MTPAP: variants seen among roughly 807,000 people sequenced by gnomAD.
MTPAP encodes the protein mitochondrial poly(A) polymerase.
MTPAP carries 23 observed loss-of-function variants against 48.7 expected under a neutral mutation model. The observed-to-expected ratio is 0.47, with a 90% CI of 0.34 to 0.67. MTPAP has a LOEUF of 0.67. Ranked by LOEUF, MTPAP falls within the 30% of genes least tolerant of loss-of-function variation. MTPAP has a pLI of 0.01. For synonymous variants in MTPAP, 257 were observed against 254.1 expected (o/e 1.01, Z -0.11); for missense variants, 614 against 694.3 (o/e 0.88, Z 1.30).
At chr10:30,336,752 T>C in intron 4 of MTPAP, 51 bp downstream of exon 4, 4 of 1,408,628 alleles carry the variant, frequency 2.8e-6, no homozygotes, top group Non-Finnish European at 4.0e-6. Flanking sequence ...TTTTTCTTTT[T>C]ATACTTTCTT....
intron 1 of MTPAP, 169 bp downstream of exon 1, chr10:30,348,950 G>T: frequency 1.1e-6 from 1 of 927,524 alleles, no homozygotes; most frequent in Non-Finnish European, 1.6e-6. Flanking sequence ...CAGCAACGGC[G>T]GCGACCCTGG....
chr10:30,340,443 T>C lies in MTPAP; in HGVS notation c.338A>G (p.Tyr113Cys), dbSNP rs1834788946. The change falls in exon 3 of 9, where the codon TAT becomes TGT. Residue 113 changes from tyrosine (Y) to cysteine (C), a missense_variant. By Grantham distance (194) the Tyr-to-Cys change is radical. This residue lies in a region of MTPAP where 114 missense variants were observed against 107.9 expected (regional missense o/e 1.06). Transcript: ENST00000263063. Reference protein sequence around the residue: ...NHFFYESFGLYAVVEFCQKES... With the variant: ...NHFFYESFGLCAVVEFCQKES... The stretch of plus-strand genomic sequence containing the variant: ...CTTTTGGCAAAATTCTACGACAGCA[T>C]AGAGACCCTATACCAAAAACATAAG... 1.2e-6 allele frequency: 2 copies of C among 1,613,114 alleles called. No individual in the cohort carries two copies. Among genetic ancestry groups the C allele is most frequent in the Non-Finnish European group, 1.7e-6 (2 of 1,179,040 alleles).
At chr10:30,335,581 C>G (rs1007472315) in intron 4 of MTPAP, among the ~76,000 whole-genome samples, 5 of 152,050 alleles carry the variant, frequency 3.3e-5, no homozygotes, top group African/African-American at 4.8e-5. Context: ...GGAAGAGACA[C>G]TGGTTAATTT....
chr10:30,336,694 G>T, intron 4 of MTPAP, 109 bp downstream of exon 4: 1 of 910,340 alleles, frequency 1.1e-6, no homozygotes, highest in Non-Finnish European at 1.8e-6. Context: ...TAACCACAAT[G>T]TTTAATAAGT....
chr10:30,334,348 A>G (rs1834704974), intron 4 of MTPAP, among the ~76,000 whole-genome samples: 1 of 152,136 alleles, frequency 6.6e-6, no homozygotes, highest in South Asian at 2.1e-4. Context: ...GCCTTCTATT[A>G]CTGGAAATGG....
At chr10:30,322,313 G>A in intron 6 of MTPAP, 78 bp downstream of exon 6, 1 of 1,205,120 alleles carries the variant, frequency 8.3e-7, no homozygotes. Context: ...AAATAGACGG[G>A]ACTTTGGTAA....
chr10:30,336,568 A>G (rs925034415), intron 4 of MTPAP, among the ~76,000 whole-genome samples: 2 of 152,216 alleles, frequency 1.3e-5, no homozygotes, highest in African/African-American at 4.8e-5. Context: ...TGAACACTTG[A>G]AAACAATTAA....
intron 3 of MTPAP, chr10:30,339,838 G>C: frequency 9.1e-6 from 2 of 220,550 alleles, no homozygotes; most frequent in South Asian, 1.4e-4. Context: ...TTCTGTGAAT[G>C]CAAGAATGAC....
At chr10:30,327,499 A>T (rs993120677) in intron 4 of MTPAP, among the ~76,000 whole-genome samples, 1 of 138,898 alleles carries the variant, frequency 7.2e-6, no homozygotes, top group Non-Finnish European at 1.5e-5. Context: ...ACTCCATTTC[A>T]AAATAAATAA....
At chr10:30,339,549 T>C (rs2254706) in intron 3 of MTPAP, among the ~76,000 whole-genome samples, 37,269 of 150,316 alleles carry the variant, frequency 0.25, 4,673 homozygotes, top group Non-Finnish European at 0.28. Context: ...GAAAACCATG[T>C]ACAATTTTAT....
rs1840632883 is a variant in MTPAP at position 30,313,999 on chromosome 10, T to A, written c.1387-28A>T. On this transcript the variant is annotated intron_variant, in intron 8 of 8. Coordinates refer to ENST00000263063, the MANE Select transcript of MTPAP (RefSeq NM_018109.4). ...ATAGATTATTACACAGAAGAAAAAA[T>A]GAGTAAGTACATGAAGGGCTTAAAT... 3.1e-6 allele frequency: 5 copies of A among 1,608,016 alleles called. No homozygotes were observed. The East Asian group carries it at 1.1e-4, about 36-fold the overall frequency.
At chr10:30,336,231 T>C (rs1353313371) in intron 4 of MTPAP, among the ~76,000 whole-genome samples, 1 of 152,010 alleles carries the variant, frequency 6.6e-6, no homozygotes, top group African/African-American at 2.4e-5. Flanking sequence ...ACAGAAGACA[T>C]GTGAGACAAC....
At position 30,309,900 on chromosome 10, in the gene MTPAP, G is replaced by A. The variant is rs1353142409; in HGVS notation, c.*3709C>T. The A allele has an allele frequency of 1.3e-5, 2 of 152,172 alleles. No individual in the cohort carries two copies. The highest frequency in any genetic ancestry group is 1.3e-4 in the Admixed American group (2 of 15,272). The allele number at this position is 152,172 out of a possible 1,614,324, so 9.4% of individuals were successfully genotyped here. On this transcript the variant is annotated 3_prime_UTR_variant, in exon 9 of 9. Coordinates refer to ENST00000263063, the MANE Select transcript of MTPAP (RefSeq NM_018109.4). ...TTTCCTATAACGTTTCAGGCTAATC[G>A]TTATTTCCTAGAAAGTCTCTGGCTA...
At chr10:30,314,857 G>A (rs1300974820) in intron 8 of MTPAP, among the ~76,000 whole-genome samples, 17 of 123,846 alleles carry the variant, frequency 1.4e-4, no homozygotes, top group Admixed American at 5.4e-4. Flanking sequence ...GGGCAATACA[G>A]TGAGACTCTG....
chr10:30,342,765 T>C (rs1328419213), intron 1 of MTPAP, among the ~76,000 whole-genome samples: 3 of 152,112 alleles, frequency 2.0e-5, no homozygotes, highest in Non-Finnish European at 4.4e-5. Context: ...CAATTAACAG[T>C]GAGTTACCAA....
At chr10:30,321,911 T>C (rs569301620) in intron 6 of MTPAP, among the ~76,000 whole-genome samples, 1 of 152,194 alleles carries the variant, frequency 6.6e-6, no homozygotes, top group South Asian at 2.1e-4. Flanking sequence ...ATACAAACAA[T>C]ATAGTATGTC....
intron 1 of MTPAP, among the ~76,000 whole-genome samples, chr10:30,342,702 G>A (rs1216368304): frequency 6.6e-6 from 1 of 152,146 alleles, no homozygotes; most frequent in Non-Finnish European, 1.5e-5. Context: ...TCGGTGTTTT[G>A]ACATAAGCTA....
chr10:30,323,840 TA>T (rs1834543734), intron 5 of MTPAP, among the ~76,000 whole-genome samples: 1 of 152,242 alleles, frequency 6.6e-6, no homozygotes, highest in Non-Finnish European at 1.5e-5. Flanking sequence ...TCAAAGTTTC[TA>T]AACATGATTT....
intron 4 of MTPAP, among the ~76,000 whole-genome samples, chr10:30,328,707 T>C (rs1008782154): frequency 2.0e-5 from 3 of 152,056 alleles, no homozygotes; most frequent in African/African-American, 7.2e-5. Flanking sequence ...CCACATTCAT[T>C]TGGAGATCTC....
Sources: allele counts gnomAD v4.1 joint callset (sites outside exome capture counted in the v4.1 genomes callset), GRCh38; gene constraint gnomAD v4.1.1; regional missense constraint gnomAD v4.1.1; transcripts MANE v1.5; gene names NCBI Gene and HGNC (gene_info 2026-07-23, HGNC 2026-07-21).